The following GGT1 variants were observed in gnomAD, a reference collection of about 807,000 sequenced individuals.
The protein encoded by GGT1 is gamma-glutamyltransferase 1.
Under a neutral mutation model 56.0 loss-of-function variants are expected in GGT1, and 21 were observed. That is an observed-to-expected ratio of 0.38 (90% confidence interval 0.27 to 0.54). GGT1 has a LOEUF of 0.54. GGT1 is among the 20% of genes least tolerant of loss of function. The pLI, the probability that GGT1 is intolerant of heterozygous loss-of-function variation, is 0.82. For missense variants in GGT1, 466 were observed against 787.0 expected (o/e 0.59, Z 4.88); for synonymous variants, 238 against 342.6 (o/e 0.69, Z 3.37).
intron 7 of GGT1, among the ~76,000 whole-genome samples, chr22:24,617,517 C>T (rs1430854476): frequency 6.6e-6 from 1 of 152,024 alleles, no homozygotes; most frequent in Non-Finnish European, 1.5e-5. Context: ...GTGGCTGACG[C>T]TGGACAGACA....
rs1041987 is a variant in GGT1 at position 24,627,909 on chromosome 22, C to G, written c.1266C>G (p.Asp422Glu). Residue 422 changes from aspartate (D) to glutamate (E), a missense_variant, in exon 13 of 16, where the codon GAC becomes GAG. This residue lies in a region of GGT1 where 456 missense variants were observed against 716.7 expected (regional missense o/e 0.64). Coordinates refer to ENST00000400382, the MANE Select transcript of GGT1 (RefSeq NM_001288833.2). ...GGATCCTGTTCAATAATGAAATGGA[C>G]GACTTCAGCTCTCCCAGCATCACCA... ...VSGILFNNEM[D>E]DFSSPSITNE... 2 of 1,613,848 alleles carry G rather than the reference C, an allele frequency of 1.2e-6. No homozygotes were observed. The highest frequency in any genetic ancestry group is 1.7e-6 in the Non-Finnish European group (2 of 1,179,834).
the GGT1 span, chr22:24,589,527 CAGCTAT>C: frequency 4.4e-6 from 2 of 453,346 alleles, no homozygotes; most frequent in Non-Finnish European, 3.4e-6. Flanking sequence ...GACTTCTGCC[CAGCTAT>C]AGTCTTCCTG....
rs779774376 is a variant in GGT1, at chr22:24,615,028, C to A, written c.296-13C>A. 3.0e-5 allele frequency: 49 copies of A among 1,609,548 alleles called. No homozygotes were observed. Among genetic ancestry groups the A allele is most frequent in the Non-Finnish European group, 4.0e-5 (47 of 1,177,442 alleles). The stretch of plus-strand genomic sequence containing the variant: ...TTGGGTGGGCGGGCCTGCCTACCTG[C>A]TTCTCCTTCTAGGAAAAGCTGAGGT... On this transcript the variant is annotated splice_polypyrimidine_tract_variant and intron_variant, in intron 6 of 15. Coordinates refer to ENST00000400382, the MANE Select transcript of GGT1 (RefSeq NM_001288833.2).
chr22:24,617,790 A>G (rs1304846934), intron 7 of GGT1, among the ~76,000 whole-genome samples: 2 of 152,026 alleles, frequency 1.3e-5, no homozygotes, highest in Non-Finnish European at 1.5e-5. Flanking sequence ...CAGCAGGTCA[A>G]TTTGAGAGTT....
In GGT1 at chr22:24,603,357, T is replaced by C. The variant is rs1276858893; in HGVS notation, c.-599T>C. 6.6e-6 allele frequency: 1 copy of C among 152,228 alleles called. No individual in the cohort carries two copies. The highest frequency in any genetic ancestry group is 2.4e-5 in the African/African-American group (1 of 41,452). 9.4% of individuals were successfully genotyped at this position (152,228 alleles called of 1,614,324 possible). On this transcript the variant is annotated 5_prime_UTR_variant, in exon 1 of 16. Transcript: ENST00000400382. ...TCAGGTCAGGGCACTCCCATGAGTG[T>C]CTGGAGGCCTGAGTCCCATTCTCAG...
Position 24,605,946 on chromosome 22 carries a change from ATAT to A in GGT1, c.-428-2004_-428-2002del, listed in dbSNP as rs1439481756. Among the ~76,000 whole-genome samples, 18 of 82,898 alleles carry A rather than the reference ATAT, an allele frequency of 2.2e-4. 3 individuals carry two copies. The highest frequency in any genetic ancestry group is 1.2e-3 in the South Asian group (4 of 3,394). The allele number at this position is 82,898 out of a possible 152,430, so 54.4% of individuals were successfully genotyped here. On this transcript the variant is annotated intron_variant, in intron 1 of 15. Transcript: ENST00000400382. ...TATTATATATTATATATAATATATA[ATAT>A]TATATATAATATATTACATATAATA...
chr22:24,623,343 C>G, intron 10 of GGT1, 87 bp downstream of exon 10: 2 of 1,367,532 alleles, frequency 1.5e-6, no homozygotes, highest in Non-Finnish European at 2.0e-6. Flanking sequence ...TCTCTGCTCG[C>G]CCCCCATGCC....
At chr22:24,586,521 GATTCAA>G in the GGT1 span, 1 of 1,141,214 alleles carries the variant, frequency 8.8e-7, no homozygotes, top group Non-Finnish European at 1.3e-6. Context: ...GGCAAAGCCA[GATTCAA>G]ACTGTGTCTT....
upstream of GGT1, among the ~76,000 whole-genome samples, chr22:24,599,034 T>TG (rs1474931494): frequency 2.0e-5 from 3 of 152,234 alleles, no homozygotes; most frequent in African/African-American, 7.2e-5. Context: ...CCCATAGTGC[T>TG]GGGATTACAA....
chr22:24,608,304 G>T (rs1442690301), intron 2 of GGT1, among the ~76,000 whole-genome samples: 2 of 152,212 alleles, frequency 1.3e-5, no homozygotes, highest in Admixed American at 6.5e-5. Flanking sequence ...TGGGAGGAAG[G>T]GACAGGGCCC....
At position 24,620,605 on chromosome 22, in the gene GGT1, C is replaced by G; in HGVS notation, c.575+85C>G. ...CAGGCCGTAGCAGCAGTGGAGCAGCCCTCTGCCTTCAGGACCCTGTGCTGA... is the reference window on the plus strand; with the variant it reads ...CAGGCCGTAGCAGCAGTGGAGCAGCGCTCTGCCTTCAGGACCCTGTGCTGA... On this transcript the variant is annotated intron_variant, in intron 8 of 15. Transcript: ENST00000400382. The surrounding 1 kb of genome is among the most constrained non-coding windows in gnomAD (Gnocchi z 5.6). The G allele has an allele frequency of 6.2e-7, 1 of 1,603,304 alleles. No homozygotes were observed. The highest frequency in any genetic ancestry group is 8.5e-7 in the Non-Finnish European group (1 of 1,175,388).
rs561121044 is a variant in GGT1, at chr22:24,626,569, C to T, written c.1021-863C>T. 1.8e-4 allele frequency among the ~76,000 whole-genome samples: 28 copies of T among 152,014 alleles called. No homozygotes were observed. In the South Asian group the frequency reaches 5.2e-3, roughly 28 times the overall value. On this transcript the variant is annotated intron_variant, in intron 11 of 15. Coordinates refer to ENST00000400382, the MANE Select transcript of GGT1 (RefSeq NM_001288833.2). ...GAAGTATCCAAAATCAAGCTCCTGA[C>T]CATCCCCAAACCTGCCCCTTCTGCA...
chr22:24,628,630 A>C lies in GGT1; in HGVS notation c.1564-63A>C. ...CACCTGGGCTGAGGCCTGTGACCACACAGATGTGGTTCAGGTGGCATCTGG... is the reference window on the plus strand; with the variant it reads ...CACCTGGGCTGAGGCCTGTGACCACCCAGATGTGGTTCAGGTGGCATCTGG... On this transcript the variant is annotated intron_variant, in intron 15 of 15. Coordinates refer to ENST00000400382, the MANE Select transcript of GGT1 (RefSeq NM_001288833.2). The surrounding 1 kb of genome is among the most constrained non-coding windows in gnomAD (Gnocchi z 5.7). 4.3e-6 allele frequency: 7 copies of C among 1,610,956 alleles called. No individual in the cohort carries two copies. The South Asian group carries it at 6.6e-5, about 15-fold the overall frequency.
chr22:24,592,818 C>A (rs2045612986), upstream of GGT1: 6 of 1,262,466 alleles, frequency 4.8e-6, no homozygotes, highest in South Asian at 1.4e-4. Flanking sequence ...GACCCCCAGA[C>A]CCTCCCTGGC....
Position 24,610,749 on chromosome 22 carries a change from G to A in GGT1, c.-8+218G>A, listed in dbSNP as rs866117689. On this transcript the variant is annotated intron_variant, in intron 4 of 15. Coordinates refer to ENST00000400382, the MANE Select transcript of GGT1 (RefSeq NM_001288833.2). ...GTGGAGGCTCAGCCACTGTAAGGAG[G>A]TAGGCAAGGCCCTGCAGAAAGAGGG... Among the ~76,000 whole-genome samples, 1,257 of 138,952 alleles carry A rather than the reference G, an allele frequency of 9.0e-3. 38 individuals are homozygous for A. The highest frequency in any genetic ancestry group is 0.018 in the South Asian group (77 of 4,196). 91.2% of individuals were successfully genotyped at this position (138,952 alleles called of 152,430 possible).
chr22:24,607,637 C>T (rs2330825), intron 1 of GGT1: 1 of 161,488 alleles, frequency 6.2e-6, no homozygotes, highest in South Asian at 1.3e-4. Context: ...CCAGGCTGGA[C>T]CTCCGTGAGA....
the GGT1 span, chr22:24,589,428 T>C: frequency 1.0e-6 from 1 of 986,916 alleles, no homozygotes; most frequent in African/African-American, 1.8e-5. Context: ...CGAGAGCGGC[T>C]CTCTTCTGGC....
At chr22:24,593,768 C>G (rs192053354), upstream of GGT1, among the ~76,000 whole-genome samples, 796 of 147,668 alleles carry the variant, frequency 5.4e-3, 11 homozygotes, top group African/African-American at 0.019. Context: ...CCCTGGGTGA[C>G]AGAGCAAAAC....
Position 24,610,328 on chromosome 22 carries a change from G to A in GGT1, c.-211G>A, listed in dbSNP as rs563767668. 4.2e-3 allele frequency: 1,087 copies of A among 259,064 alleles called. 18 individuals carry two copies. Among genetic ancestry groups the A allele is most frequent in the African/African-American group, 0.023 (1,003 of 43,538 alleles). The allele number at this position is 259,064 out of a possible 1,614,324, so 16.0% of individuals were successfully genotyped here. On this transcript the variant is annotated 5_prime_UTR_variant, in exon 4 of 16. In the 5' UTR this introduces an upstream ATG that the reference lacks. Transcript: ENST00000400382. The stretch of plus-strand genomic sequence containing the variant: ...TCCCCCAGAAAGGTCTGGGCTGCGC[G>A]TGCTTCAGGTAACCTCCCTTGACCT...
Sources: gnomAD v4.1 joint callset for allele counts (sites outside exome capture counted in the v4.1 genomes callset) on GRCh38, gnomAD v4.1.1 for gene constraint, gnomAD v4.1.1 regional missense constraint, Gnocchi (gnomAD v3.1) non-coding constraint, MANE v1.5 for transcripts, NCBI Gene and HGNC (gene_info 2026-07-23, HGNC 2026-07-21) for gene names.